Variants in ITGA8 observed in about 807,000 individuals in gnomAD.
The protein encoded by ITGA8 is integrin subunit alpha 8.
In ITGA8, 91 loss-of-function variants were observed where a neutral mutation model predicts 142.3. The ratio of observed to expected loss-of-function variants is 0.64; its 90% CI spans 0.54 to 0.76. The LOEUF (loss-of-function observed/expected upper bound fraction) is 0.76. Among genes scored for constraint, ITGA8 ranks in the 30% least tolerant of loss-of-function variants. The probability of loss-of-function intolerance (pLI) is 0.00; values close to 1 mark genes in which losing one functional copy is unlikely to be tolerated. For missense variants in ITGA8, 1,406 were observed against 1,327.7 expected, an observed-to-expected ratio of 1.06 and a Z score of -0.92; for synonymous variants, 505 against 485.2, an observed-to-expected ratio of 1.04 and a Z score of -0.54.
chr10:15,586,199 C>G (rs1226267948), intron 23 of ITGA8, among the ~76,000 whole-genome samples: 1 of 151,654 alleles, frequency 6.6e-6, no homozygotes, highest in African/African-American at 2.4e-5. Context: ...GCTGGGATTA[C>G]AGGTACCCAC....
intron 2 of ITGA8, among the ~76,000 whole-genome samples, chr10:15,697,391 G>A (rs1197390453): frequency 6.6e-6 from 1 of 152,158 alleles, no homozygotes; most frequent in Non-Finnish European, 1.5e-5. Flanking sequence ...ATTACGGCAC[G>A]TTTTGACACC....
intron 22 of ITGA8, among the ~76,000 whole-genome samples, chr10:15,590,500 T>C (rs1832905404): frequency 6.6e-6 from 1 of 152,336 alleles, no homozygotes; most frequent in African/African-American, 2.4e-5. Flanking sequence ...TTATGAGAGA[T>C]GTATCTTTCC....
intron 13 of ITGA8, among the ~76,000 whole-genome samples, chr10:15,630,827 T>G (rs1833672719): frequency 6.6e-6 from 1 of 152,022 alleles, no homozygotes; most frequent in African/African-American, 2.4e-5. Context: ...ATATCCTATT[T>G]TTTAAAAAAA....
intron 2 of ITGA8, among the ~76,000 whole-genome samples, chr10:15,697,300 A>G (rs1025280309): frequency 3.3e-5 from 5 of 152,210 alleles, no homozygotes; most frequent in African/African-American, 1.2e-4. Context: ...GGACTTTAAT[A>G]CATGAAACAC....
At chr10:15,611,665 G>C (rs1005244459) in intron 15 of ITGA8, 1 of 151,728 alleles carries the variant, frequency 6.6e-6, no homozygotes, top group Admixed American at 6.6e-5. Context: ...CTAATTTTTT[G>C]TATTTTTAGT....
chr10:15,518,771 A>T (rs2131529570), intron 29 of ITGA8, among the ~76,000 whole-genome samples: 1 of 152,340 alleles, frequency 6.6e-6, no homozygotes, highest in Middle Eastern at 3.4e-3. Flanking sequence ...AATTGGCAAG[A>T]TTAAAAACCA....
chr10:15,536,209 C>T (rs1833433435), intron 27 of ITGA8, among the ~76,000 whole-genome samples: 1 of 152,086 alleles, frequency 6.6e-6, no homozygotes, highest in African/African-American at 2.4e-5. Flanking sequence ...AGCAAACAGC[C>T]TGTAACACCA....
chr10:15,635,296 C>T (rs778827070), intron 13 of ITGA8, among the ~76,000 whole-genome samples: 6 of 152,094 alleles, frequency 3.9e-5, no homozygotes, highest in African/African-American at 7.2e-5. Context: ...TAAGCCACTG[C>T]GCCCGGCCTT....
intron 23 of ITGA8, among the ~76,000 whole-genome samples, chr10:15,575,940 CGTGTGTGTGTGTGTGTGTGTGTGAGT>C (rs1187562408): frequency 6.7e-6 from 1 of 148,840 alleles, no homozygotes; most frequent in African/African-American, 2.5e-5. Context: ...CATGTGAGAA[CGTGTGTGTGTGTGTGTGTGTGTGAGT>C]GTGTGTGTGT....
chr10:15,542,870 T>C (rs945142567), intron 27 of ITGA8, among the ~76,000 whole-genome samples: 1 of 152,224 alleles, frequency 6.6e-6, no homozygotes, highest in Non-Finnish European at 1.5e-5. Flanking sequence ...CTTAGCTACA[T>C]GGCGATCACT....
At chr10:15,719,499 C>T (rs1277973756) in intron 1 of ITGA8, 64 bp downstream of exon 1, 58 of 1,419,876 alleles carry the variant, frequency 4.1e-5, no homozygotes, top group Non-Finnish European at 5.2e-5. Flanking sequence ...GCGGCAGAGC[C>T]GCTGGGACCT....
chr10:15,696,994 G>C (rs547094376), intron 2 of ITGA8, among the ~76,000 whole-genome samples: 69 of 151,476 alleles, frequency 4.6e-4, no homozygotes, highest in Non-Finnish European at 9.3e-4. Flanking sequence ...AAGTGACAGA[G>C]TAAGAGTATT....
At position 15,607,619 on chromosome 10, in the gene ITGA8, A is replaced by G. The variant is rs1833218218; in HGVS notation, c.1764+58T>C. On this transcript the variant is annotated intron_variant, in intron 17 of 29. Coordinates refer to ENST00000378076, the MANE Select transcript of ITGA8 (RefSeq NM_003638.3). Reference sequence around the variant, plus strand: ...AAACATGATGGTTAAATGGAGAAAAATGGTTGGAATTTGGATATGAAGGAG... The same window carrying G: ...AAACATGATGGTTAAATGGAGAAAAGTGGTTGGAATTTGGATATGAAGGAG... 4.6e-6 allele frequency: 7 copies of G among 1,513,016 alleles called. No homozygotes were observed. The Admixed American group carries it at 5.0e-5, about 11-fold the overall frequency. 93.7% of individuals were successfully genotyped at this position (1,513,016 alleles called of 1,614,324 possible). A position where few individuals can be genotyped will look rare whatever the true frequency, so the allele number is the denominator to read the frequency against.
At chr10:15,593,048 C>T (rs749745558) in intron 21 of ITGA8, among the ~76,000 whole-genome samples, 12 of 152,136 alleles carry the variant, frequency 7.9e-5, no homozygotes, top group Non-Finnish European at 1.2e-4. Context: ...GTGCAATGCA[C>T]GTCAGCTATG....
intron 2 of ITGA8, among the ~76,000 whole-genome samples, chr10:15,692,913 C>T (rs554302768): frequency 6.6e-6 from 1 of 152,160 alleles, no homozygotes; most frequent in Admixed American, 6.5e-5. Context: ...ACTAAAAATA[C>T]AAACATTAGC....
chr10:15,561,145 C>CTGG (rs1198718253), intron 25 of ITGA8, among the ~76,000 whole-genome samples: 2 of 150,020 alleles, frequency 1.3e-5, no homozygotes, highest in Non-Finnish European at 3.0e-5. Flanking sequence ...CTGCCTCAGC[C>CTGG]TCCCAAAACA....
chr10:15,580,973 T>C (rs1175128837), intron 23 of ITGA8, among the ~76,000 whole-genome samples: 1 of 152,184 alleles, frequency 6.6e-6, no homozygotes, highest in African/African-American at 2.4e-5. Flanking sequence ...TAACAAATAA[T>C]TTAACCTTGT....
At chr10:15,694,437 T>C (rs974271699) in intron 2 of ITGA8, among the ~76,000 whole-genome samples, 9 of 136,520 alleles carry the variant, frequency 6.6e-5, no homozygotes, top group Non-Finnish European at 1.2e-4. Flanking sequence ...ATATATATGA[T>C]ATATCTTACA....
intron 13 of ITGA8, among the ~76,000 whole-genome samples, chr10:15,628,986 A>T (rs1212662573): frequency 6.6e-6 from 1 of 151,906 alleles, no homozygotes; most frequent in African/African-American, 2.4e-5. Context: ...GGATAGGCTA[A>T]GGTTAAGGAG....
Sources: allele counts gnomAD v4.1 joint callset (sites outside exome capture counted in the v4.1 genomes callset), GRCh38; gene constraint gnomAD v4.1.1; transcripts MANE v1.5; gene names NCBI Gene and HGNC (gene_info 2026-07-23, HGNC 2026-07-21).